The following ARAP2 variants were observed in gnomAD, a reference collection of about 807,000 sequenced individuals.
ARAP2 encodes ArfGAP with RhoGAP domain, ankyrin repeat and PH domain 2.
Under a neutral mutation model 194.5 loss-of-function variants are expected in ARAP2, and 148 were observed. That is an observed-to-expected ratio of 0.76 (90% CI 0.67 to 0.87). The LOEUF (loss-of-function observed/expected upper bound fraction) is 0.87, where lower values mean the gene tolerates loss of function less well. Among genes scored for constraint, ARAP2 ranks in the 40% least tolerant of loss-of-function variants. The probability of loss-of-function intolerance (pLI) is 0.00; values close to 1 mark genes in which losing one functional copy is unlikely to be tolerated. For missense variants in ARAP2, 2,128 were observed against 1,989.7 expected, an observed-to-expected ratio of 1.07 and a Z score of -1.32; for synonymous variants, 695 against 683.5, an observed-to-expected ratio of 1.02 and a Z score of -0.26.
At chr4:36,126,487 CAT>C (rs969509198) in intron 21 of ARAP2, among the ~76,000 whole-genome samples, 31 of 152,098 alleles carry the variant, frequency 2.0e-4, no homozygotes, top group African/African-American at 6.5e-4. Context: ...GATCATATGT[CAT>C]ATAAATATAG....
Position 36,177,891 on chromosome 4 carries a change from C to T in ARAP2, c.1793G>A (p.Gly598Asp). ...CACAGTAAAAATTTTTGCCTTATAG[C>T]CTCTCAATTCAAGATATCCACATTT... ...PEKCGYLELR[G>D]YKAKIFTVLS... Residue 598 changes from glycine to aspartate, a missense_variant, in exon 9 of 33, where the codon GGC (glycine) becomes GAC (aspartate). Transcript: ENST00000303965. 2.5e-6 allele frequency: 4 copies of T among 1,613,388 alleles called. No homozygotes were observed. Among genetic ancestry groups the T allele is most frequent in the South Asian group, 1.1e-5 (1 of 90,966 alleles).
chr4:36,025,933 CTT>C (rs1717831173), intron 5 of ARAP2, among the ~76,000 whole-genome samples: 2 of 152,026 alleles, frequency 1.3e-5, no homozygotes, highest in South Asian at 4.1e-4. Context: ...AAAATACAGT[CTT>C]ATTGTATGCA....
intron 19 of ARAP2, among the ~76,000 whole-genome samples, chr4:36,140,171 C>CACAG (rs1453732197): frequency 2.0e-5 from 3 of 150,700 alleles, no homozygotes; most frequent in Non-Finnish European, 4.4e-5. Flanking sequence ...CACACACACA[C>CACAG]ACACATCTTA....
intron 5 of ARAP2, among the ~76,000 whole-genome samples, chr4:36,033,729 A>T (rs995232958): frequency 6.6e-6 from 1 of 151,964 alleles, no homozygotes; most frequent in African/African-American, 2.4e-5. Context: ...GCCCATTCCG[A>T]CATCTAGAAT....
chr4:36,048,272 G>T (rs1485711170), intron 3 of ARAP2, among the ~76,000 whole-genome samples: 1 of 152,142 alleles, frequency 6.6e-6, no homozygotes, highest in Non-Finnish European at 1.5e-5. Context: ...AGGTACATAA[G>T]CAGGTTTGTC....
Position 36,210,445 on chromosome 4 carries a change from C to T in ARAP2, c.1432G>A (p.Gly478Arg). The T allele has an allele frequency of 6.2e-7, 1 of 1,613,730 alleles. No homozygotes were observed. Among genetic ancestry groups the T allele is most frequent in the Non-Finnish European group, 8.5e-7 (1 of 1,179,774 alleles). The part of the protein sequence containing the change: ...QAISPYACFY[G>R]ASAKKVKSGW... The stretch of plus-strand genomic sequence containing the variant: ...GATTTAACCTTCTTTGCAGATGCTC[C>T]ATAAAAGCAGGCATAGGGAGATATT... The change falls in exon 6 of 33, where the codon GGA becomes AGA. Residue 478 changes from glycine to arginine, a missense_variant. Physicochemically the swap from Gly to Arg is moderately radical, Grantham distance 125. Coordinates refer to ENST00000303965, the MANE Select transcript of ARAP2 (RefSeq NM_015230.4).
At chr4:36,110,703 G>T (rs550536162) in intron 26 of ARAP2, among the ~76,000 whole-genome samples, 1 of 151,820 alleles carries the variant, frequency 6.6e-6, no homozygotes, top group East Asian at 1.9e-4. Flanking sequence ...ATTTTCCCAC[G>T]AATCTGACTA....
chr4:36,212,459 G>T lies in ARAP2; in HGVS notation c.1070C>A (p.Thr357Asn). Residue 357 changes from threonine to asparagine, a missense_variant, in exon 5 of 33, where the codon ACC becomes AAC. Physicochemically the swap from Thr to Asn is moderately conservative, Grantham distance 65. Transcript: ENST00000303965. ...TTCCCCTTTGAGTGCTTCTCCCTGG[G>T]TCAAAAATTCATTCTTTATAGATCG... ...KKRSIKNEFL[T>N]QGEALKGEAA... The T allele has an allele frequency of 6.2e-7, 1 of 1,611,810 alleles. No homozygotes were observed. The highest frequency in any genetic ancestry group is 8.5e-7 in the Non-Finnish European group (1 of 1,178,528).
chr4:36,161,531 T>C lies in ARAP2; in HGVS notation c.2193A>G (p.Gly731=). Residue 731 remains glycine, a synonymous_variant, in exon 12 of 33, where the codon GGA becomes GGG. Transcript: ENST00000303965. ...GACTTCTAACCTTGGAATCTTTTGG[T>C]CCTAAAGATCTATGCTGTCCTAGAG... ...KKCAGQHRSL[G]PKDSKVRSLK... is the part of the protein sequence containing the mutation. 1 of 1,613,448 alleles carries C rather than the reference T, an allele frequency of 6.2e-7. No homozygotes were observed. Among genetic ancestry groups the C allele is most frequent in the Non-Finnish European group, 8.5e-7 (1 of 1,179,390 alleles).
chr4:36,140,068 C>T (rs1396345335), intron 19 of ARAP2, among the ~76,000 whole-genome samples: 3 of 150,832 alleles, frequency 2.0e-5, no homozygotes, highest in African/African-American at 7.3e-5. Context: ...TCATTTTTTC[C>T]TACTAAAGTC....
chr4:36,206,754 A>T (rs1216847773), intron 6 of ARAP2, among the ~76,000 whole-genome samples: 2 of 152,210 alleles, frequency 1.3e-5, no homozygotes, highest in Non-Finnish European at 2.9e-5. Context: ...CATCTTGCTC[A>T]TCTGTGTCCT....
intron 19 of ARAP2, among the ~76,000 whole-genome samples, chr4:36,135,341 T>C (rs1398876304): frequency 6.6e-6 from 1 of 151,782 alleles, no homozygotes; most frequent in Non-Finnish European, 1.5e-5. Flanking sequence ...CTTTCCTTTG[T>C]TTTCTTTCTT....
At chr4:36,214,336 G>A in intron 3 of ARAP2, 86 bp downstream of exon 3, 1 of 1,052,860 alleles carries the variant, frequency 9.5e-7, no homozygotes. Context: ...TACCACAGGT[G>A]GGCTGCCTTC....
At chr4:36,211,725 A>C (rs1746798648) in intron 5 of ARAP2, among the ~76,000 whole-genome samples, 2 of 152,186 alleles carry the variant, frequency 1.3e-5, no homozygotes, top group African/African-American at 2.4e-5. Context: ...GCAATACAAA[A>C]GAGGAATGCT....
chr4:36,121,529 T>C (rs1056671441), intron 22 of ARAP2, among the ~76,000 whole-genome samples: 1 of 151,780 alleles, frequency 6.6e-6, no homozygotes, highest in African/African-American at 2.4e-5. Context: ...TACTGTTAAA[T>C]AGATTAGTAA....
intron 9 of ARAP2, among the ~76,000 whole-genome samples, chr4:36,011,771 C>A (rs1251581446): frequency 6.6e-6 from 1 of 151,882 alleles, no homozygotes; most frequent in East Asian, 2.0e-4. Context: ...GTATATATCA[C>A]AGTTTTAAAA....
rs73809153 is a variant in ARAP2 at position 36,217,873 on chromosome 4, C to T, written c.906-3393G>A. On this transcript the variant is annotated intron_variant, in intron 2 of 32. Transcript: ENST00000303965. ...ATAATACTAGATAATACTAGATATA[C>T]GATAATACTAGATAAATATGACAAT... Among the ~76,000 whole-genome samples, 939 of 149,058 alleles carry T rather than the reference C, an allele frequency of 6.3e-3. 9 individuals are homozygous for T. Among genetic ancestry groups the T allele is most frequent in the African/African-American group, 0.022 (888 of 40,484 alleles).
At chr4:36,138,041 C>T (rs1727261984) in intron 19 of ARAP2, among the ~76,000 whole-genome samples, 1 of 151,668 alleles carries the variant, frequency 6.6e-6, no homozygotes, top group African/African-American at 2.4e-5. Context: ...GCATCCTAGG[C>T]ATGTTGGAAA....
At chr4:36,015,522 C>A (rs1038801858) in exon 8 of ARAP2, 1 of 152,202 alleles carries the variant, frequency 6.6e-6, no homozygotes, top group Non-Finnish European at 1.5e-5. Flanking sequence ...AGATGTCTGG[C>A]AGTTGGCTGT....
Sources: allele counts gnomAD v4.1 joint callset (sites outside exome capture counted in the v4.1 genomes callset), GRCh38; gene constraint gnomAD v4.1.1; transcripts MANE v1.5; gene names NCBI Gene and HGNC (gene_info 2026-07-23, HGNC 2026-07-21).